GOPC: variants seen among roughly 807,000 people sequenced by gnomAD.
The protein encoded by GOPC is Golgi-associated PDZ and coiled-coil motif-containing protein.
A neutral mutation model predicts 51.2 loss-of-function variants in GOPC; 32 were observed. That is an observed-to-expected ratio of 0.63 (90% CI 0.47 to 0.84). The LOEUF (loss-of-function observed/expected upper bound fraction) is 0.84. Among genes scored for constraint, GOPC ranks in the 40% least tolerant of loss-of-function variants. The pLI is 0.00. For synonymous variants in GOPC, 190 were observed against 205.1 expected (o/e 0.93, Z 0.63); for missense variants, 441 against 555.5 (o/e 0.79, Z 2.07).
chr6:117,570,890 T>C lies in GOPC; in HGVS notation c.882A>G (p.Glu294=). The C allele has an allele frequency of 6.3e-7, 1 of 1,591,668 alleles. No individual in the cohort carries two copies. Among genetic ancestry groups the C allele is most frequent in the Non-Finnish European group, 8.6e-7 (1 of 1,164,744 alleles). The change falls in exon 6 of 9, where the codon GAA becomes GAG. Residue 294 remains glutamate (E), a synonymous_variant. Transcript: ENST00000368498. ...TTGAAATGCCAAGGCCTTCATGATC[T>C]TCCTTAAGGAGGAGAACTTTTCTAA... ...GPIRKVLLLK[E]DHEGLGISIT... is the part of the protein sequence containing the mutation.
At chr6:117,580,833 T>A (rs1444283201) in intron 1 of GOPC, among the ~76,000 whole-genome samples, 1 of 152,162 alleles carries the variant, frequency 6.6e-6, no homozygotes, top group Admixed American at 6.5e-5. Flanking sequence ...GTTATCATGG[T>A]AACTTTGTAA....
intron 3 of GOPC, among the ~76,000 whole-genome samples, chr6:117,576,271 G>C (rs191363972): frequency 6.6e-6 from 1 of 151,954 alleles, no homozygotes; most frequent in East Asian, 1.9e-4. Context: ...ACAAACAGAT[G>C]AAAGATTAGC....
Position 117,560,844 on chromosome 6 carries a change from C to T in GOPC, c.*2410G>A, listed in dbSNP as rs896189363. 2.8e-5 allele frequency: 6 copies of T among 214,198 alleles called. No individual in the cohort carries two copies. Among genetic ancestry groups the T allele is most frequent in the Non-Finnish European group, 5.6e-5 (6 of 106,208 alleles). 13.3% of individuals were successfully genotyped at this position (214,198 alleles called of 1,614,324 possible). On this transcript the variant is annotated 3_prime_UTR_variant, in exon 9 of 9. Transcript: ENST00000368498. ...TGTATTTCTCCTTCTGTCCCCTTCT[C>T]GATGAAATGGCTTTGCAACAGTTCC...
rs199725975 is a variant in GOPC, at chr6:117,602,207, C to T, written c.82G>A (p.Val28Ile). ...ASCSVGAPGG[V>I]SMFRWLEVLE... The stretch of plus-strand genomic sequence containing the variant: ...ACCTCCAGCCACCGGAACATGGATA[C>T]CCCGCCAGGGGCCCCCACGGAGCAG... Residue 28 changes from valine (V) to isoleucine (I), a missense_variant, in exon 1 of 9, where the codon GTA (valine) becomes ATA (isoleucine). Val to Ile is a conservative substitution (Grantham distance 29). Coordinates refer to ENST00000368498, the MANE Select transcript of GOPC (RefSeq NM_020399.4). The T allele has an allele frequency of 5.0e-6, 8 of 1,609,474 alleles. No individual in the cohort carries two copies. In the South Asian group the frequency reaches 7.7e-5, roughly 15 times the overall value.
chr6:117,594,246 G>T (rs1780160535), intron 1 of GOPC, among the ~76,000 whole-genome samples: 1 of 152,066 alleles, frequency 6.6e-6, no homozygotes, highest in African/African-American at 2.4e-5. Context: ...CTATGCGCTT[G>T]CCCACCACAG....
rs1347934663 is a variant in GOPC at position 117,561,336 on chromosome 6, A to C, written c.*1918T>G. ...CAAAGGGTTATAGCTTACATTTCCT[A>C]AGGATTCAGTCATAGCAGATAAAGG... On this transcript the variant is annotated 3_prime_UTR_variant, in exon 9 of 9. Coordinates refer to ENST00000368498, the MANE Select transcript of GOPC (RefSeq NM_020399.4). 1.3e-5 allele frequency: 3 copies of C among 224,962 alleles called. No individual in the cohort carries two copies. The highest frequency in any genetic ancestry group is 2.7e-5 in the Non-Finnish European group (3 of 112,928). 13.9% of individuals were successfully genotyped at this position (224,962 alleles called of 1,614,324 possible). A position where few individuals can be genotyped will look rare whatever the true frequency, so the allele number is the denominator to read the frequency against.
chr6:117,581,227 T>C (rs1419447803), intron 1 of GOPC, among the ~76,000 whole-genome samples: 2 of 152,176 alleles, frequency 1.3e-5, no homozygotes, highest in East Asian at 3.9e-4. Context: ...TATCAAGGTC[T>C]GGGATGGCCC....
At chr6:117,590,666 A>G (rs1456703474) in intron 1 of GOPC, among the ~76,000 whole-genome samples, 1 of 152,020 alleles carries the variant, frequency 6.6e-6, no homozygotes, top group African/African-American at 2.4e-5. Context: ...TGATGTACCA[A>G]TTCAAAAAGA....
intron 1 of GOPC, among the ~76,000 whole-genome samples, chr6:117,599,023 T>C (rs1170254915): frequency 6.6e-6 from 1 of 152,118 alleles, no homozygotes; most frequent in Non-Finnish European, 1.5e-5. Flanking sequence ...GCGACTATTA[T>C]GTCAATTAAA....
chr6:117,598,221 A>G (rs952139231), intron 1 of GOPC, among the ~76,000 whole-genome samples: 2 of 149,852 alleles, frequency 1.3e-5, no homozygotes, highest in Non-Finnish European at 3.0e-5. Flanking sequence ...ATAAAATAGA[A>G]AAATTAGCTG....
At chr6:117,568,835 C>T (rs964285822) in intron 7 of GOPC, among the ~76,000 whole-genome samples, 1 of 152,168 alleles carries the variant, frequency 6.6e-6, no homozygotes, top group Non-Finnish European at 1.5e-5. Context: ...ATTTATGCAT[C>T]ATATAGAATT....
At chr6:117,593,628 G>C (rs983126409) in intron 1 of GOPC, among the ~76,000 whole-genome samples, 1 of 152,136 alleles carries the variant, frequency 6.6e-6, no homozygotes, top group African/African-American at 2.4e-5. Context: ...CTGTAAAGTT[G>C]GAGTAACTAT....
intron 8 of GOPC, among the ~76,000 whole-genome samples, chr6:117,565,035 A>G (rs1191542825): frequency 6.6e-6 from 1 of 152,192 alleles, no homozygotes; most frequent in African/African-American, 2.4e-5. Context: ...GATTATAGCT[A>G]CTGATGTTTC....
chr6:117,566,436 A>G (rs12211146), intron 8 of GOPC, among the ~76,000 whole-genome samples: 6 of 152,196 alleles, frequency 3.9e-5, no homozygotes, highest in Non-Finnish European at 8.8e-5. Context: ...TGATTCTAAT[A>G]GCAATCATAA....
intron 1 of GOPC, among the ~76,000 whole-genome samples, chr6:117,580,095 A>G (rs1779936441): frequency 6.6e-6 from 1 of 152,072 alleles, no homozygotes; most frequent in Non-Finnish European, 1.5e-5. Flanking sequence ...AACAACATGG[A>G]CAAAATAGAA....
chr6:117,570,920 A>G lies in GOPC; in HGVS notation c.852T>C (p.Gly284=). Residue 284 remains glycine (G), a synonymous_variant, in exon 6 of 9, where the codon GGT becomes GGC. Transcript: ENST00000368498. The part of the protein sequence containing the change: ...QDSLKKSQGV[G]PIRKVLLLKE... Reference sequence around the variant, plus strand: ...TAAGGAGGAGAACTTTTCTAATTGGACCAACACCTTGGCTTTTCTTTAGGG... The same window carrying G: ...TAAGGAGGAGAACTTTTCTAATTGGGCCAACACCTTGGCTTTTCTTTAGGG... 1 of 1,598,426 alleles carries G rather than the reference A, an allele frequency of 6.3e-7. No individual in the cohort carries two copies. Among genetic ancestry groups the G allele is most frequent in the Non-Finnish European group, 8.5e-7 (1 of 1,169,724 alleles).
At chr6:117,567,342 A>G (rs1242611528) in intron 7 of GOPC, among the ~76,000 whole-genome samples, 1 of 152,196 alleles carries the variant, frequency 6.6e-6, no homozygotes, top group African/African-American at 2.4e-5. Context: ...TTTTGGAACA[A>G]GTATTCAGTT....
intron 3 of GOPC, among the ~76,000 whole-genome samples, chr6:117,577,049 C>G (rs1293491032): frequency 6.6e-6 from 1 of 151,894 alleles, no homozygotes; most frequent in Non-Finnish European, 1.5e-5. Flanking sequence ...GAAGAAGAAA[C>G]CAACATGCAC....
chr6:117,572,861 A>G (rs191823156), intron 5 of GOPC, among the ~76,000 whole-genome samples: 3 of 152,366 alleles, frequency 2.0e-5, no homozygotes, highest in African/African-American at 7.2e-5. Flanking sequence ...ATTATCTGGT[A>G]CTAAGATATG....
Sources: gnomAD v4.1 joint callset for allele counts (sites outside exome capture counted in the v4.1 genomes callset) on GRCh38, gnomAD v4.1.1 for gene constraint, MANE v1.5 for transcripts, NCBI Gene and HGNC (gene_info 2026-07-23, HGNC 2026-07-21) for gene names.